The following CDH18 variants were observed in gnomAD, a reference collection of about 807,000 sequenced individuals.
CDH18 encodes cadherin 18, also known as cadherin-18.
A neutral mutation model predicts 67.9 loss-of-function variants in CDH18; 31 were observed. The ratio of observed to expected loss-of-function variants is 0.46; its 90% confidence interval spans 0.34 to 0.62. The LOEUF is 0.62. CDH18 is among the 20% of genes least tolerant of loss of function. CDH18 has a pLI of 0.01. For synonymous variants in CDH18, 362 were observed against 347.2 expected (o/e 1.04, Z -0.48); for missense variants, 890 against 975.5 (o/e 0.91, Z 1.17).
chr5:19,754,479 T>A (rs192412852), intron 3 of CDH18, among the ~76,000 whole-genome samples: 1 of 152,208 alleles, frequency 6.6e-6, no homozygotes, highest in Admixed American at 6.5e-5. Context: ...CTTAAACATA[T>A]ATGTACCTAA....
At chr5:19,748,010 G>A (rs1196628315) in intron 3 of CDH18, among the ~76,000 whole-genome samples, 1 of 148,382 alleles carries the variant, frequency 6.7e-6, no homozygotes, top group African/African-American at 2.5e-5. Flanking sequence ...CTACTCGGGG[G>A]GCTGAGGCAG....
At chr5:19,544,121 T>A (rs950766209) in intron 8 of CDH18, 116 bp from the exon 9 acceptor site, 1 of 428,114 alleles carries the variant, frequency 2.3e-6, no homozygotes, top group African/African-American at 2.0e-5. Flanking sequence ...TTAAATTCTA[T>A]ATTTGATTAC....
At chr5:19,665,581 A>T (rs1247894410) in intron 5 of CDH18, among the ~76,000 whole-genome samples, 2 of 152,140 alleles carry the variant, frequency 1.3e-5, no homozygotes, top group Non-Finnish European at 2.9e-5. Flanking sequence ...TTCATTAAAA[A>T]GAGTAAATTT....
intron 3 of CDH18, among the ~76,000 whole-genome samples, chr5:19,752,933 A>G (rs1224648211): frequency 6.6e-6 from 1 of 152,156 alleles, no homozygotes; most frequent in African/African-American, 2.4e-5. Context: ...GAGAGGCAGC[A>G]ATCACTATAC....
chr5:19,922,100 T>C (rs1487752649), intron 2 of CDH18, among the ~76,000 whole-genome samples: 2 of 152,166 alleles, frequency 1.3e-5, no homozygotes, highest in South Asian at 2.1e-4. Context: ...AACAGTTTCA[T>C]GAATGAATGA....
chr5:20,205,621 A>T (rs1018006628), intron 2 of CDH18, among the ~76,000 whole-genome samples: 4 of 151,906 alleles, frequency 2.6e-5, no homozygotes, highest in African/African-American at 9.7e-5. Flanking sequence ...TTAGGTGACA[A>T]ATCAAATCTC....
intron 2 of CDH18, among the ~76,000 whole-genome samples, chr5:19,938,403 T>C (rs1794497835): frequency 6.6e-6 from 1 of 151,432 alleles, no homozygotes; most frequent in Non-Finnish European, 1.5e-5. Flanking sequence ...ATTGAGCATT[T>C]AGCAATGGCA....
chr5:20,209,921 C>CAGATT (rs1276584533), intron 2 of CDH18, among the ~76,000 whole-genome samples: 1 of 151,404 alleles, frequency 6.6e-6, no homozygotes, highest in African/African-American at 2.4e-5. Flanking sequence ...ATGAATGTAT[C>CAGATT]AGATTATCAC....
chr5:19,870,197 T>C (rs1786094236), intron 2 of CDH18, among the ~76,000 whole-genome samples: 1 of 152,144 alleles, frequency 6.6e-6, no homozygotes, highest in Admixed American at 6.5e-5. Flanking sequence ...TTTGAGTCAG[T>C]TGCATAACAC....
rs913845733 is a variant in CDH18 at position 20,441,422 on chromosome 5, C to T, written c.-580+134040G>A. Among the ~76,000 whole-genome samples, 16 of 151,380 alleles carry T rather than the reference C, an allele frequency of 1.1e-4. 2 individuals are homozygous for T. Among genetic ancestry groups the T allele is most frequent in the African/African-American group, 3.7e-4 (15 of 40,958 alleles). ...AACTGGTACAGGAATGATGTGTGTG[C>T]GTCTGTGTGTGCCTGTGTGTTTAGT... On this transcript the variant is annotated intron_variant, in intron 1 of 14. Transcript: ENST00000507958.
intron 9 of CDH18, among the ~76,000 whole-genome samples, chr5:19,541,844 A>G (rs1750342166): frequency 6.6e-6 from 1 of 152,168 alleles, no homozygotes; most frequent in African/African-American, 2.4e-5. Context: ...ATTAACCCTC[A>G]TAATTTTTTT....
rs138962840 is a variant in CDH18 at position 19,824,876 on chromosome 5, CCAGTGGGTA to C, written c.228+13874_228+13882del. 9.5e-3 allele frequency among the ~76,000 whole-genome samples: 1,444 copies of C among 152,296 alleles called. 22 individuals carry two copies. The highest frequency in any genetic ancestry group is 0.033 in the African/African-American group (1,373 of 41,562). ...TGTCCTTGCATCTGTATGGATTCAA[CCAGTGGGTA>C]CAGTGGGTACAACCTTCTATTGTCC... On this transcript the variant is annotated intron_variant, in intron 3 of 12. Transcript: ENST00000382275.
chr5:20,346,260 T>C (rs137904352), intron 1 of CDH18, among the ~76,000 whole-genome samples: 1 of 152,272 alleles, frequency 6.6e-6, no homozygotes, highest in East Asian at 1.9e-4. Context: ...ATTAAAATTT[T>C]TATTCTTCCA....
intron 8 of CDH18, among the ~76,000 whole-genome samples, chr5:19,548,252 T>C (rs16885811): frequency 0.014 from 2,183 of 151,756 alleles, 55 homozygotes; most frequent in African/African-American, 0.05. Context: ...CTAGGTGACA[T>C]AGGTCCTAAA....
intron 2 of CDH18, among the ~76,000 whole-genome samples, chr5:19,995,136 T>C (rs1295218389): frequency 1.3e-5 from 2 of 151,630 alleles, no homozygotes; most frequent in African/African-American, 4.8e-5. Context: ...TTGACAAGGG[T>C]AGTCTACCAT....
intron 1 of CDH18, among the ~76,000 whole-genome samples, chr5:20,338,525 C>A (rs924633499): frequency 6.6e-6 from 1 of 152,160 alleles, no homozygotes; most frequent in Non-Finnish European, 1.5e-5. Context: ...GAAAAGTTTA[C>A]TGTATGATAG....
chr5:20,539,628 AAG>A (rs1037712366), intron 1 of CDH18, among the ~76,000 whole-genome samples: 2 of 152,048 alleles, frequency 1.3e-5, no homozygotes, highest in African/African-American at 2.4e-5. Flanking sequence ...AAGTCTAGAA[AAG>A]AGAGTGAGTC....
rs535177446 is a variant in CDH18, at chr5:19,569,073, T to C, written c.1253+2506A>G. On this transcript the variant is annotated intron_variant, in intron 8 of 12. Transcript: ENST00000382275. ...ATTTTAAATATTGTTTATTTTGAAA[T>C]GCAAATTTTCCTATCATTGTTTTGG... Among the ~76,000 whole-genome samples the C allele has an allele frequency of 2.2e-4, 34 of 152,330 alleles. 1 individual carries two copies. The East Asian group carries it at 6.4e-3, about 29-fold the overall frequency.
At chr5:20,271,729 C>G (rs2126666929) in intron 1 of CDH18, among the ~76,000 whole-genome samples, 1 of 152,132 alleles carries the variant, frequency 6.6e-6, no homozygotes, top group Non-Finnish European at 1.5e-5. Context: ...GAAAACCAAA[C>G]CTGCTTACAT....
Sources: allele counts gnomAD v4.1 joint callset (sites outside exome capture counted in the v4.1 genomes callset), GRCh38; gene constraint gnomAD v4.1.1; transcripts MANE v1.5; gene names NCBI Gene and HGNC (gene_info 2026-07-23, HGNC 2026-07-21).